PCDH15: variants seen among roughly 807,000 people sequenced by gnomAD.
PCDH15 encodes the protein protocadherin-15.
PCDH15 carries 129 observed loss-of-function variants against 178.5 expected under a neutral mutation model. The observed-to-expected ratio is 0.72, with a 90% CI of 0.63 to 0.84. The LOEUF (loss-of-function observed/expected upper bound fraction) is 0.84, where lower values mean the gene tolerates loss of function less well. Ranked by LOEUF, PCDH15 falls within the 40% of genes least tolerant of loss-of-function variation. The pLI is 0.00. For synonymous variants in PCDH15, 800 were observed against 732.0 expected, an observed-to-expected ratio of 1.09 and a Z score of -1.50; for missense variants, 2,230 against 2,099.9, an observed-to-expected ratio of 1.06 and a Z score of -1.21.
chr10:54,274,552 A>C (rs1322308519), intron 8 of PCDH15, among the ~76,000 whole-genome samples: 5 of 151,828 alleles, frequency 3.3e-5, no homozygotes, highest in Admixed American at 6.6e-5. Flanking sequence ...AGCAGCCAAC[A>C]CTATGCGATG....
intron 2 of PCDH15, among the ~76,000 whole-genome samples, chr10:55,467,966 C>CAAAAAAA (rs71463104): frequency 8.2e-4 from 30 of 36,634 alleles, no homozygotes; most frequent in African/African-American, 3.0e-3. Context: ...GACTCCGTCT[C>CAAAAAAA]AAAAAAAAAA....
intron 32 of PCDH15, among the ~76,000 whole-genome samples, chr10:53,825,458 T>TTAAATGAGAGTTTA (rs1310678926): frequency 6.6e-6 from 1 of 151,798 alleles, no homozygotes; most frequent in African/African-American, 2.4e-5. Context: ...AATAAAAATT[T>TTAAATGAGAGTTTA]TAAATGAGAG....
intron 21 of PCDH15, among the ~76,000 whole-genome samples, chr10:53,994,383 A>T (rs758362832): frequency 6.6e-6 from 1 of 152,090 alleles, no homozygotes; most frequent in Non-Finnish European, 1.5e-5. Context: ...TTTATTACAG[A>T]GTGTTATGGT....
intron 3 of PCDH15, among the ~76,000 whole-genome samples, chr10:54,841,739 T>C (rs1953422184): frequency 6.6e-6 from 1 of 151,820 alleles, no homozygotes; most frequent in African/African-American, 2.4e-5. Context: ...TCAATTTGCA[T>C]TCAGTTTGTT....
At chr10:53,960,655 C>A (rs531041512) in intron 22 of PCDH15, among the ~76,000 whole-genome samples, 1 of 152,228 alleles carries the variant, frequency 6.6e-6, no homozygotes, top group African/African-American at 2.4e-5. Context: ...TGCAGGTTAA[C>A]AATGTAAACT....
chr10:54,239,432 T>TAG (rs370848123), intron 8 of PCDH15, among the ~76,000 whole-genome samples: 13 of 150,640 alleles, frequency 8.6e-5, no homozygotes, highest in East Asian at 5.8e-4. Context: ...TATATATATA[T>TAG]AGAGTAAGAA....
intron 2 of PCDH15, among the ~76,000 whole-genome samples, chr10:55,556,251 T>A (rs755537275): frequency 2.0e-5 from 3 of 152,174 alleles, no homozygotes; most frequent in Non-Finnish European, 2.9e-5. Flanking sequence ...CATGTAATAA[T>A]GACATGCTAT....
chr10:54,518,210 T>C (rs182526830), intron 3 of PCDH15, among the ~76,000 whole-genome samples: 3,127 of 151,820 alleles, frequency 0.021, 114 homozygotes, highest in African/African-American at 0.071. Flanking sequence ...ATAACTAAAA[T>C]CAGTGCAGAA....
At position 53,840,514 on chromosome 10, in the gene PCDH15, T is replaced by C; in HGVS notation, c.3807-18A>G. ...CCAAGATCCTATAAATCAAACAAAGTACAAACATGACAGTCCAATGGGCTT... is the reference window on the plus strand; with the variant it reads ...CCAAGATCCTATAAATCAAACAAAGCACAAACATGACAGTCCAATGGGCTT... On this transcript the variant is annotated intron_variant, in intron 28 of 37. Coordinates refer to ENST00000644397, the MANE Select transcript of PCDH15 (RefSeq NM_001384140.1). 6.2e-7 allele frequency: 1 copy of C among 1,609,318 alleles called. No individual in the cohort carries two copies. The highest frequency in any genetic ancestry group is 8.5e-7 in the Non-Finnish European group (1 of 1,175,664).
intron 7 of PCDH15, among the ~76,000 whole-genome samples, chr10:54,323,384 G>C (rs969301552): frequency 6.6e-6 from 1 of 152,010 alleles, no homozygotes; most frequent in South Asian, 2.1e-4. Context: ...AAGAAAAATA[G>C]TGCATTCTAC....
chr10:54,616,037 T>C (rs992441034), intron 2 of PCDH15, among the ~76,000 whole-genome samples: 1 of 152,100 alleles, frequency 6.6e-6, no homozygotes, highest in Non-Finnish European at 1.5e-5. Flanking sequence ...CATTACCAAA[T>C]TATCTCATTT....
intron 18 of PCDH15, among the ~76,000 whole-genome samples, chr10:54,049,565 T>A (rs936903586): frequency 1.3e-5 from 2 of 152,154 alleles, no homozygotes; most frequent in Non-Finnish European, 2.9e-5. Flanking sequence ...TTCTTGTGGG[T>A]TTTTATCATG....
intron 1 of PCDH15, among the ~76,000 whole-genome samples, chr10:55,206,754 ATGT>A (rs902650893): frequency 1.3e-5 from 2 of 152,074 alleles, no homozygotes; most frequent in Non-Finnish European, 2.9e-5. Context: ...TATCATTCTG[ATGT>A]TGTTTGAAAA....
intron 2 of PCDH15, among the ~76,000 whole-genome samples, chr10:54,644,405 C>T (rs969644591): frequency 6.6e-6 from 1 of 151,342 alleles, no homozygotes; most frequent in African/African-American, 2.4e-5. Flanking sequence ...AAAAATTCAT[C>T]TATTTGTTGA....
chr10:53,821,451 G>C, intron 32 of PCDH15: 2 of 1,018,356 alleles, frequency 2.0e-6, no homozygotes, highest in Non-Finnish European at 2.4e-6. Context: ...TAACTTATTT[G>C]TAACAGTCTG....
intron 1 of PCDH15, among the ~76,000 whole-genome samples, chr10:54,688,551 T>A (rs1411527639): frequency 6.6e-6 from 1 of 152,146 alleles, no homozygotes; most frequent in Non-Finnish European, 1.5e-5. Context: ...TATACACTTT[T>A]GAAAAATACA....
intron 2 of PCDH15, among the ~76,000 whole-genome samples, chr10:54,904,320 T>C (rs1456593291): frequency 6.6e-6 from 1 of 152,046 alleles, no homozygotes; most frequent in Admixed American, 6.6e-5. Context: ...CTTTAAACAA[T>C]ACCTCCAATA....
chr10:55,281,220 G>C (rs1001275237), intron 1 of PCDH15, among the ~76,000 whole-genome samples: 1 of 152,130 alleles, frequency 6.6e-6, no homozygotes, highest in Non-Finnish European at 1.5e-5. Flanking sequence ...TGTAGGGCAT[G>C]AGAATTTGGA....
At chr10:53,834,275 C>A (rs1465697182) in intron 29 of PCDH15, among the ~76,000 whole-genome samples, 1 of 152,158 alleles carries the variant, frequency 6.6e-6, no homozygotes, top group East Asian at 1.9e-4. Context: ...AAAACACACA[C>A]ACCATTTCAC....
Sources: allele counts gnomAD v4.1 joint callset (sites outside exome capture counted in the v4.1 genomes callset), GRCh38; gene constraint gnomAD v4.1.1; transcripts MANE v1.5; gene names NCBI Gene and HGNC (gene_info 2026-07-23, HGNC 2026-07-21).